Variants in LRGUK observed in about 807,000 individuals in gnomAD.
The protein encoded by LRGUK is leucine rich repeats and guanylate kinase domain containing, also known as leucine-rich repeat and guanylate kinase domain-containing protein.
LRGUK carries 65 observed loss-of-function variants against 76.0 expected under a neutral mutation model. The observed-to-expected ratio is 0.85, with a 90% CI of 0.70 to 1.05. LRGUK has a LOEUF of 1.05. Ranked by LOEUF, LRGUK falls within the 50% of genes least tolerant of loss-of-function variation. LRGUK has a pLI of 0.00. For missense variants in LRGUK, 758 were observed against 732.8 expected (o/e 1.03, Z -0.40); for synonymous variants, 268 against 265.6 (o/e 1.01, Z -0.09).
intron 1 of LRGUK, among the ~76,000 whole-genome samples, chr7:134,131,559 G>GAA (rs1466767774): frequency 6.6e-6 from 1 of 152,180 alleles, no homozygotes; most frequent in Admixed American, 6.5e-5. Context: ...GGTGAGAACA[G>GAA]AAGAAGCCTC....
Position 134,184,850 on chromosome 7 carries a change from T to G in LRGUK, c.1334+997T>G, listed in dbSNP as rs528636505. ...GTTTGAAAATCAACATCTTTTTCAT[T>G]AAGCATAAATGGCATGTGAAGGCAG... On this transcript the variant is annotated intron_variant, in intron 11 of 15. Transcript: ENST00000645682. Among the ~76,000 whole-genome samples the G allele has an allele frequency of 2.6e-4, 40 of 152,390 alleles. 1 individual carries two copies. The South Asian group carries it at 8.1e-3, about 31-fold the overall frequency.
chr7:134,268,874 C>T (rs549072068), downstream of LRGUK, among the ~76,000 whole-genome samples: 10 of 151,302 alleles, frequency 6.6e-5, no homozygotes, highest in South Asian at 1.9e-3. Context: ...GGACTACAGG[C>T]GCCTGCCACT....
At chr7:134,265,071 G>T (rs897484766), downstream of LRGUK, among the ~76,000 whole-genome samples, 3 of 152,080 alleles carry the variant, frequency 2.0e-5, no homozygotes, top group African/African-American at 7.2e-5. Flanking sequence ...GTGGAGCGGG[G>T]GGACCATGAA....
chr7:134,268,108 G>A (rs1259076992), downstream of LRGUK, among the ~76,000 whole-genome samples: 5 of 151,956 alleles, frequency 3.3e-5, no homozygotes, highest in East Asian at 5.8e-4. Flanking sequence ...AACACAGATC[G>A]AGCAGAAGAA....
At chr7:134,264,825 G>A (rs1318001478), downstream of LRGUK, among the ~76,000 whole-genome samples, 1 of 152,196 alleles carries the variant, frequency 6.6e-6, no homozygotes, top group Non-Finnish European at 1.5e-5. Context: ...TGAGTACTCT[G>A]TGCATGATGA....
At chr7:134,259,072 G>T in intron 19 of LRGUK, among the ~76,000 whole-genome samples, 1 of 152,120 alleles carries the variant, frequency 6.6e-6, no homozygotes, top group East Asian at 1.9e-4. Flanking sequence ...GAGGCTTTGA[G>T]TTGCAGTCCA....
chr7:134,146,861 T>C (rs542022176), intron 4 of LRGUK, among the ~76,000 whole-genome samples: 3 of 152,330 alleles, frequency 2.0e-5, no homozygotes, highest in Admixed American at 1.3e-4. Context: ...ATGTAATTGC[T>C]TGATGGTTTT....
chr7:134,167,970 T>C (rs1029155763), intron 7 of LRGUK, among the ~76,000 whole-genome samples: 1 of 152,230 alleles, frequency 6.6e-6, no homozygotes, highest in South Asian at 2.1e-4. Flanking sequence ...TACAGTTCAC[T>C]GGCTTTCCAA....
chr7:134,204,543 T>A (rs1800923239), intron 15 of LRGUK, among the ~76,000 whole-genome samples: 1 of 152,202 alleles, frequency 6.6e-6, no homozygotes, highest in African/African-American at 2.4e-5. Flanking sequence ...CCCCTTTGTT[T>A]TTTTGGCATG....
At chr7:134,262,244 T>G (rs1038158603) in intron 19 of LRGUK, among the ~76,000 whole-genome samples, 1 of 152,002 alleles carries the variant, frequency 6.6e-6, no homozygotes, top group Non-Finnish European at 1.5e-5. Flanking sequence ...TGTGTTGGTG[T>G]GCGCCTGTAA....
intron 6 of LRGUK, 87 bp downstream of exon 6, chr7:134,158,246 T>G (rs1179911524): frequency 8.4e-7 from 1 of 1,194,928 alleles, no homozygotes; most frequent in African/African-American, 1.5e-5. Context: ...AGGATTCAAA[T>G]ATATAAAGAG....
chr7:134,128,109 G>GAC (rs987060275), intron 1 of LRGUK, among the ~76,000 whole-genome samples: 1 of 136,060 alleles, frequency 7.3e-6, no homozygotes, highest in Non-Finnish European at 1.6e-5. Context: ...CTCCCTCCAG[G>GAC]AAAAAAAAAA....
chr7:134,147,415 A>G (rs926581199), intron 4 of LRGUK, among the ~76,000 whole-genome samples: 21 of 150,494 alleles, frequency 1.4e-4, no homozygotes, highest in Non-Finnish European at 2.1e-4. Flanking sequence ...AGCCTGAGCG[A>G]CAGAGCGAGA....
intron 5 of LRGUK, 34 bp from the exon 6 acceptor site, chr7:134,158,000 AT>A: frequency 6.3e-7 from 1 of 1,581,622 alleles, no homozygotes; most frequent in Non-Finnish European, 8.7e-7. Flanking sequence ...AATGCTTTTA[AT>A]AACATTTTCC....
chr7:134,177,392 G>A (rs1160175566), intron 9 of LRGUK, among the ~76,000 whole-genome samples: 1 of 152,138 alleles, frequency 6.6e-6, no homozygotes, highest in Non-Finnish European at 1.5e-5. Flanking sequence ...TGTTTGGAAG[G>A]TGTATGATTC....
chr7:134,233,346 C>A (rs967670461), intron 16 of LRGUK, among the ~76,000 whole-genome samples: 22 of 152,342 alleles, frequency 1.4e-4, no homozygotes, highest in African/African-American at 5.1e-4. Context: ...CTGCAACCAG[C>A]TCCTCCAACA....
chr7:134,153,926 A>G (rs1393117060), intron 5 of LRGUK, among the ~76,000 whole-genome samples: 1 of 152,190 alleles, frequency 6.6e-6, no homozygotes, highest in Admixed American at 6.5e-5. Context: ...ATATTTTATG[A>G]TTGTAGACAA....
At chr7:134,233,053 A>G (rs1211169977) in intron 16 of LRGUK, among the ~76,000 whole-genome samples, 1 of 152,240 alleles carries the variant, frequency 6.6e-6, no homozygotes, top group Non-Finnish European at 1.5e-5. Context: ...CAAAAAATAT[A>G]TAACCAACCC....
At chr7:134,127,525 G>C (rs767969993) in exon 1 of LRGUK, 2 of 1,614,220 alleles carry the variant, frequency 1.2e-6, no homozygotes, top group Non-Finnish European at 1.7e-6. Flanking sequence ...ACGAAAGGCA[G>C]CTCTAACATA....
Sources: gnomAD v4.1 joint callset for allele counts (sites outside exome capture counted in the v4.1 genomes callset) on GRCh38, gnomAD v4.1.1 for gene constraint, MANE v1.5 for transcripts, NCBI Gene and HGNC (gene_info 2026-07-23, HGNC 2026-07-21) for gene names.